ADGRL3: variants seen among roughly 807,000 people sequenced by gnomAD.
ADGRL3 encodes calcium-independent alpha-latrotoxin receptor 3.
Under a neutral mutation model 153.5 loss-of-function variants are expected in ADGRL3, and 62 were observed. The ratio of observed to expected loss-of-function variants is 0.40; its 90% CI spans 0.33 to 0.50. ADGRL3 has a LOEUF of 0.50. Among genes scored for constraint, ADGRL3 ranks in the 20% least tolerant of loss-of-function variants. ADGRL3 has a pLI of 0.47. For missense variants in ADGRL3, 1,641 were observed against 1,859.4 expected, an observed-to-expected ratio of 0.88 and a Z score of 2.16; for synonymous variants, 710 against 672.5, an observed-to-expected ratio of 1.06 and a Z score of -0.86.
At chr4:61,287,223 T>C (rs1189586318) in intron 1 of ADGRL3, among the ~76,000 whole-genome samples, 1 of 151,974 alleles carries the variant, frequency 6.6e-6, no homozygotes, top group East Asian at 1.9e-4. Context: ...GAAGACCATT[T>C]GACTTCTTGA....
intron 9 of ADGRL3, among the ~76,000 whole-genome samples, chr4:61,871,222 G>A (rs964357550): frequency 6.6e-6 from 1 of 151,396 alleles, no homozygotes. Flanking sequence ...AGCTTGCAGT[G>A]AGCAGAGATC....
chr4:61,643,408 T>G (rs1283275214), intron 5 of ADGRL3, among the ~76,000 whole-genome samples: 1 of 151,876 alleles, frequency 6.6e-6, no homozygotes, highest in Non-Finnish European at 1.5e-5. Context: ...CCATTCAGTA[T>G]GATATTGGCT....
chr4:61,219,036 A>G (rs1291935017), intron 1 of ADGRL3, among the ~76,000 whole-genome samples: 2 of 152,196 alleles, frequency 1.3e-5, no homozygotes, highest in African/African-American at 2.4e-5. Context: ...GACCAGTTAC[A>G]TGAGAGTCTA....
intron 13 of ADGRL3, among the ~76,000 whole-genome samples, chr4:61,928,694 C>G (rs2098804988): frequency 1.3e-5 from 2 of 152,104 alleles, no homozygotes; most frequent in African/African-American, 4.8e-5. Context: ...TTCAGATTTT[C>G]TTCTTCTGAA....
intron 21 of ADGRL3, among the ~76,000 whole-genome samples, chr4:62,025,621 A>G (rs889535899): frequency 6.6e-6 from 1 of 152,028 alleles, no homozygotes; most frequent in African/African-American, 2.4e-5. Context: ...GGAAAAGCCC[A>G]CTCAACATAC....
chr4:61,697,772 C>T (rs1005527780), intron 6 of ADGRL3, among the ~76,000 whole-genome samples: 4 of 152,030 alleles, frequency 2.6e-5, no homozygotes, highest in Admixed American at 6.6e-5. Context: ...TTCAAGAAAA[C>T]GATCACCTGG....
At chr4:61,237,094 C>G (rs1276602154) in intron 1 of ADGRL3, among the ~76,000 whole-genome samples, 2 of 152,060 alleles carry the variant, frequency 1.3e-5, no homozygotes, top group Non-Finnish European at 2.9e-5. Context: ...GTTGTTGCAG[C>G]AAGAGTTCAC....
Position 62,006,019 on chromosome 4 carries a change from TATATATATATA to T in ADGRL3, c.3395+7755_3395+7765del, listed in dbSNP as rs1161507367. Among the ~76,000 whole-genome samples the T allele has an allele frequency of 1.4e-4, 14 of 103,160 alleles. 1 individual carries two copies. The highest frequency in any genetic ancestry group is 3.9e-4 in the African/African-American group (11 of 28,344). 67.7% of individuals were successfully genotyped at this position (103,160 alleles called of 152,430 possible). On this transcript the variant is annotated intron_variant, in intron 21 of 26. Transcript: ENST00000683033. ...ACACACACACATATATATATATATA[TATATATATATA>T]TATTTTTTTTTTTTTTTGAGAAAGG...
At chr4:61,769,849 A>G (rs2152297019) in intron 8 of ADGRL3, among the ~76,000 whole-genome samples, 1 of 152,100 alleles carries the variant, frequency 6.6e-6, no homozygotes, top group Non-Finnish European at 1.5e-5. Flanking sequence ...AGGTAATGTC[A>G]TCAGTTAAGG....
intron 9 of ADGRL3, among the ~76,000 whole-genome samples, chr4:61,868,857 CTAAT>C (rs1247761064): frequency 6.6e-6 from 1 of 152,142 alleles, no homozygotes; most frequent in Non-Finnish European, 1.5e-5. Context: ...TTTTGCAACC[CTAAT>C]TAAACTGCTT....
chr4:61,817,921 A>C lies in ADGRL3; in HGVS notation c.1480+4032A>C, dbSNP rs182799869. 2.0e-5 allele frequency among the ~76,000 whole-genome samples: 3 copies of C among 152,296 alleles called. No individual in the cohort carries two copies. In the East Asian group the frequency reaches 5.8e-4, roughly 29 times the overall value. On this transcript the variant is annotated intron_variant, in intron 9 of 26. Coordinates refer to ENST00000683033, the MANE Select transcript of ADGRL3 (RefSeq NM_001387552.1). ...TGGGTCCCTCCCACAACACATGAGA[A>C]TTATGAGAGCTACAATGCAAGATGA...
At chr4:61,982,862 T>C (rs1250663379) in intron 18 of ADGRL3, among the ~76,000 whole-genome samples, 1 of 152,182 alleles carries the variant, frequency 6.6e-6, no homozygotes, top group Non-Finnish European at 1.5e-5. Context: ...AACAAACAAT[T>C]ACTAATAATT....
chr4:61,507,574 G>T (rs1340784154), intron 3 of ADGRL3, among the ~76,000 whole-genome samples: 1 of 152,194 alleles, frequency 6.6e-6, no homozygotes, highest in Non-Finnish European at 1.5e-5. Flanking sequence ...GTTTGGCTCT[G>T]TGGCCCCACC....
intron 2 of ADGRL3, among the ~76,000 whole-genome samples, chr4:61,451,779 T>G (rs999483017): frequency 4.5e-4 from 69 of 152,320 alleles, no homozygotes; most frequent in African/African-American, 1.6e-3. Flanking sequence ...AACCTAGTTT[T>G]GATATATTCT....
Position 61,899,649 on chromosome 4 carries a change from A to G in ADGRL3, c.1887+3815A>G, listed in dbSNP as rs563045158. Among the ~76,000 whole-genome samples, 11 of 152,314 alleles carry G rather than the reference A, an allele frequency of 7.2e-5. No individual in the cohort carries two copies. The East Asian group carries it at 2.1e-3, about 29-fold the overall frequency. ...TAGTCCACTTGGACTGCTATGGTTTATGGTTAAAACAAACAAACAAACAAA... is the reference window on the plus strand; with the variant it reads ...TAGTCCACTTGGACTGCTATGGTTTGTGGTTAAAACAAACAAACAAACAAA... On this transcript the variant is annotated intron_variant, in intron 11 of 26. Coordinates refer to ENST00000683033, the MANE Select transcript of ADGRL3 (RefSeq NM_001387552.1).
chr4:61,343,658 T>G (rs957537669), intron 1 of ADGRL3, among the ~76,000 whole-genome samples: 2 of 152,160 alleles, frequency 1.3e-5, no homozygotes, highest in African/African-American at 4.8e-5. Flanking sequence ...GAAAAAAAAG[T>G]TCCACAGTCA....
At chr4:61,294,755 C>A (rs12508911) in intron 1 of ADGRL3, among the ~76,000 whole-genome samples, 24 of 151,816 alleles carry the variant, frequency 1.6e-4, no homozygotes, top group Non-Finnish European at 2.9e-5. Context: ...TGGAAATAAG[C>A]GCTATTACTG....
intron 1 of ADGRL3, among the ~76,000 whole-genome samples, chr4:61,219,887 C>G (rs969263940): frequency 1.4e-4 from 22 of 152,220 alleles, no homozygotes; most frequent in African/African-American, 5.1e-4. Context: ...GCGGGCTGAT[C>G]ACCTGAGGTC....
intron 6 of ADGRL3, among the ~76,000 whole-genome samples, chr4:61,687,643 T>G (rs1289150590): frequency 6.6e-6 from 1 of 152,030 alleles, no homozygotes; most frequent in Non-Finnish European, 1.5e-5. Flanking sequence ...CCAGGTCAAA[T>G]TAGCATTTAG....
Sources: allele counts gnomAD v4.1 joint callset (sites outside exome capture counted in the v4.1 genomes callset), GRCh38; gene constraint gnomAD v4.1.1; transcripts MANE v1.5; gene names NCBI Gene and HGNC (gene_info 2026-07-23, HGNC 2026-07-21).